SORBS2: variants seen among roughly 807,000 people sequenced by gnomAD.
The protein encoded by SORBS2 is sorbin and SH3 domain containing 2, also known as sorbin and SH3 domain-containing protein 2.
Under a neutral mutation model 97.7 loss-of-function variants are expected in SORBS2, and 46 were observed. The observed-to-expected ratio is 0.47, with a 90% CI of 0.37 to 0.60. The LOEUF is 0.60. Among genes scored for constraint, SORBS2 ranks in the 20% least tolerant of loss-of-function variants. The pLI is 0.00. For missense variants in SORBS2, 1,316 were observed against 1,282.3 expected (o/e 1.03, Z -0.40); for synonymous variants, 476 against 473.4 (o/e 1.01, Z -0.07).
At chr4:185,806,693 C>T (rs542515353) in intron 1 of SORBS2, among the ~76,000 whole-genome samples, 43 of 152,010 alleles carry the variant, frequency 2.8e-4, no homozygotes, top group African/African-American at 8.4e-4. Flanking sequence ...CTCCTGACCT[C>T]GTGATCCGCC....
At chr4:185,652,495 T>A (rs1183498153) in intron 2 of SORBS2, among the ~76,000 whole-genome samples, 167 bp downstream of exon 10, 1 of 152,148 alleles carries the variant, frequency 6.6e-6, no homozygotes, top group Non-Finnish European at 1.5e-5. Flanking sequence ...CACAGGGATC[T>A]GTCACCGGAG....
chr4:185,933,981 T>C (rs1451955563), intron 1 of SORBS2, among the ~76,000 whole-genome samples: 2 of 152,286 alleles, frequency 1.3e-5, no homozygotes, highest in East Asian at 3.9e-4. Context: ...TTCCAGAGAC[T>C]GTGGTTTTGT....
chr4:185,840,046 AGCTCCACGCAGAGTTTCACCCCAGT>A (rs2099210552), intron 1 of SORBS2, among the ~76,000 whole-genome samples: 1 of 152,202 alleles, frequency 6.6e-6, no homozygotes, highest in African/African-American at 2.4e-5. Flanking sequence ...TGAGCAGCAC[AGCTCCACGCAGAGTTTCACCCCAGT>A]GCTTCTCTGT....
chr4:185,664,179 A>G (rs1223083118), intron 4 of SORBS2, among the ~76,000 whole-genome samples: 1 of 152,072 alleles, frequency 6.6e-6, no homozygotes, highest in African/African-American at 2.4e-5. Flanking sequence ...ATTGTGTTCA[A>G]CCAATCAGGA....
At chr4:185,921,799 G>A (rs1364555702) in intron 1 of SORBS2, among the ~76,000 whole-genome samples, 1 of 152,156 alleles carries the variant, frequency 6.6e-6, no homozygotes, top group Non-Finnish European at 1.5e-5. Flanking sequence ...ATTTCAAAGC[G>A]ATCCTTCCAG....
chr4:185,619,691 T>C (rs1376472237), intron 8 of SORBS2, among the ~76,000 whole-genome samples: 2 of 152,192 alleles, frequency 1.3e-5, no homozygotes, highest in Non-Finnish European at 2.9e-5. Flanking sequence ...ACAACACAGT[T>C]GACATCAGGC....
At chr4:185,678,238 C>A (rs1189925658) in intron 4 of SORBS2, among the ~76,000 whole-genome samples, 185 bp downstream of exon 7, 2 of 152,172 alleles carry the variant, frequency 1.3e-5, no homozygotes, top group Non-Finnish European at 2.9e-5. Flanking sequence ...CCAAACCAAA[C>A]CCTTGTTTGT....
In SORBS2 at chr4:185,645,426, A is replaced by G. The variant is rs955505097; in HGVS notation, c.396+1242T>C. Among the ~76,000 whole-genome samples, 4 of 152,060 alleles carry G rather than the reference A, an allele frequency of 2.6e-5. No homozygotes were observed. In the East Asian group the frequency reaches 5.8e-4, roughly 22 times the overall value. Reference sequence around the variant, plus strand: ...TTTTTTCTTTCAGTTTTTCTTTTGTAGTCCTGTTACTCTAAAAGATATGAG... The same window carrying G: ...TTTTTTCTTTCAGTTTTTCTTTTGTGGTCCTGTTACTCTAAAAGATATGAG... On this transcript the variant is annotated intron_variant, in intron 4 of 14. Coordinates refer to ENST00000418609, the Ensembl canonical transcript of SORBS2.
chr4:185,854,806 AG>A (rs1554041665), intron 1 of SORBS2, among the ~76,000 whole-genome samples: 1 of 151,890 alleles, frequency 6.6e-6, no homozygotes. Flanking sequence ...AGAGAGAGAG[AG>A]AGAGAGAGAG....
intron 2 of SORBS2, among the ~76,000 whole-genome samples, chr4:185,730,067 C>T (rs2153570139): frequency 6.6e-6 from 1 of 152,284 alleles, no homozygotes; most frequent in Non-Finnish European, 1.5e-5. Context: ...ATTCTCCTGC[C>T]TCAGCCTCCC....
chr4:185,855,799 C>T (rs1308864106), intron 1 of SORBS2, among the ~76,000 whole-genome samples: 1 of 152,150 alleles, frequency 6.6e-6, no homozygotes, highest in Non-Finnish European at 1.5e-5. Flanking sequence ...AAGATGTTTG[C>T]TGTTGTCATT....
intron 2 of SORBS2, among the ~76,000 whole-genome samples, chr4:185,707,573 C>T (rs1003004): frequency 0.66 from 99,685 of 151,726 alleles, 34,358 homozygotes; most frequent in Non-Finnish European, 0.77. Context: ...ACAGCTGCTG[C>T]TTTTGATGCT....
At chr4:185,594,114 G>A in intron 12 of SORBS2, 179 bp from the exon 25 acceptor site, 1 of 567,792 alleles carries the variant, frequency 1.8e-6, no homozygotes, top group East Asian at 3.0e-5. Context: ...TATTTAAAGG[G>A]AGCTTTAAAT....
chr4:185,831,351 T>C (rs943590493), intron 1 of SORBS2, among the ~76,000 whole-genome samples: 1 of 152,208 alleles, frequency 6.6e-6, no homozygotes, highest in Non-Finnish European at 1.5e-5. Context: ...CTAAATTCCA[T>C]GCCCAGACGA....
At chr4:185,690,774 G>A (rs926777423) in intron 2 of SORBS2, among the ~76,000 whole-genome samples, 163 bp from the exon 4 acceptor site, 1 of 152,100 alleles carries the variant, frequency 6.6e-6, no homozygotes, top group Non-Finnish European at 1.5e-5. Context: ...TTATAATTCT[G>A]TTCATGTTAA....
At chr4:185,905,760 G>C (rs913031380) in intron 1 of SORBS2, among the ~76,000 whole-genome samples, 1 of 152,068 alleles carries the variant, frequency 6.6e-6, no homozygotes, top group Admixed American at 6.6e-5. Context: ...TACTAGGCCC[G>C]GCCTCTTCTG....
chr4:185,871,865 A>G (rs1579270493), intron 1 of SORBS2, among the ~76,000 whole-genome samples: 2 of 152,172 alleles, frequency 1.3e-5, no homozygotes, highest in African/African-American at 4.8e-5. Flanking sequence ...GCTTTCTGTG[A>G]CTGATGACAG....
intron 1 of SORBS2, among the ~76,000 whole-genome samples, chr4:185,912,383 G>C (rs537126595): frequency 6.6e-6 from 1 of 151,524 alleles, no homozygotes; most frequent in Non-Finnish European, 1.5e-5. Context: ...TCAGGAGTTC[G>C]AGACCAGCCT....
chr4:185,684,657 A>G lies in SORBS2; in HGVS notation c.-197-5835T>C. On this transcript the variant is annotated intron_variant, in intron 2 of 20. Coordinates refer to the SORBS2 transcript ENST00000284776. The surrounding 1 kb of genome is among the most constrained non-coding windows in gnomAD (Gnocchi z 4.2). ...ACACATTTAAAATGTTTCCTACAAGATCTCATTTTCCTTTGCTTTTTACGT... is the reference window on the plus strand; with the variant it reads ...ACACATTTAAAATGTTTCCTACAAGGTCTCATTTTCCTTTGCTTTTTACGT... 1.1e-6 allele frequency: 1 copy of G among 877,272 alleles called. No individual in the cohort carries two copies. Among genetic ancestry groups the G allele is most frequent in the Non-Finnish European group, 1.8e-6 (1 of 565,260 alleles). The allele number at this position is 877,272 out of a possible 1,614,324, so 54.3% of individuals were successfully genotyped here. A position where few individuals can be genotyped will look rare whatever the true frequency, so the allele number is the denominator to read the frequency against.
Sources: allele counts gnomAD v4.1 joint callset (sites outside exome capture counted in the v4.1 genomes callset), GRCh38; gene constraint gnomAD v4.1.1; non-coding constraint Gnocchi (gnomAD v3.1); transcripts MANE v1.5; gene names NCBI Gene and HGNC (gene_info 2026-07-23, HGNC 2026-07-21).